The following PARP11 variants were observed in gnomAD, a reference collection of about 807,000 sequenced individuals.
The protein encoded by PARP11 is protein mono-ADP-ribosyltransferase PARP11.
A neutral mutation model predicts 42.9 loss-of-function variants in PARP11; 31 were observed. The ratio of observed to expected loss-of-function variants is 0.72; its 90% CI spans 0.54 to 0.98. PARP11 has a LOEUF of 0.98. Ranked by LOEUF, PARP11 falls within the 50% of genes least tolerant of loss-of-function variation. PARP11 has a pLI of 0.00. For synonymous variants in PARP11, 137 were observed against 127.3 expected (o/e 1.08, Z -0.51); for missense variants, 365 against 413.1 (o/e 0.88, Z 1.01).
At chr12:3,856,627 G>C (rs1040936699) in intron 1 of PARP11, among the ~76,000 whole-genome samples, 4 of 152,218 alleles carry the variant, frequency 2.6e-5, no homozygotes, top group African/African-American at 4.8e-5. Context: ...AACAACAGGT[G>C]CTGGAGAGGA....
intron 1 of PARP11, chr12:3,841,309 C>G (rs1231061291): frequency 2.4e-6 from 3 of 1,240,544 alleles, no homozygotes; most frequent in Non-Finnish European, 3.6e-6. Context: ...ATACAGTTGT[C>G]CTGTGTGGGC....
At position 3,841,060 on chromosome 12, in the gene PARP11, G is replaced by A. The variant is rs923152630; in HGVS notation, c.19-11042C>T. The A allele has an allele frequency of 2.5e-6, 4 of 1,598,448 alleles. No homozygotes were observed. The African/African-American group carries it at 4.0e-5, about 16-fold the overall frequency. On this transcript the variant is annotated intron_variant, in intron 1 of 7. Coordinates refer to ENST00000228820, the MANE Select transcript of PARP11 (RefSeq NM_020367.6). Reference sequence around the variant, plus strand: ...TTTGACCCCTGGACCTGATTCTGCTGTATCCCAAACTCATTTAACACCCTC... The same window carrying A: ...TTTGACCCCTGGACCTGATTCTGCTATATCCCAAACTCATTTAACACCCTC...
chr12:3,830,070 A>G, intron 1 of PARP11, 52 bp from the exon 2 acceptor site: 1 of 1,555,842 alleles, frequency 6.4e-7, no homozygotes, highest in Non-Finnish European at 8.8e-7. Flanking sequence ...AATAACAAGT[A>G]TACTTTTTAC....
At chr12:3,869,085 A>G (rs1427991889) in intron 1 of PARP11, among the ~76,000 whole-genome samples, 1 of 152,096 alleles carries the variant, frequency 6.6e-6, no homozygotes, top group Non-Finnish European at 1.5e-5. Context: ...CTCTTTGACC[A>G]TTCTTCCATA....
At chr12:3,869,090 T>G (rs11837745) in intron 1 of PARP11, among the ~76,000 whole-genome samples, 1,808 of 152,292 alleles carry the variant, frequency 0.012, 44 homozygotes, top group African/African-American at 0.042. Context: ...TGACCATTCT[T>G]CCATAGTCAC....
chr12:3,841,115 A>C, intron 1 of PARP11: 1 of 1,611,476 alleles, frequency 6.2e-7, no homozygotes, highest in Non-Finnish European at 8.5e-7. Context: ...CAGGCAGTTA[A>C]CCAGCCCTTG....
At position 3,840,242 on chromosome 12, in the gene PARP11, C is replaced by G. The variant is rs1947857568; in HGVS notation, c.19-10224G>C. The G allele has an allele frequency of 3.7e-6, 6 of 1,612,500 alleles. No individual in the cohort carries two copies. Among genetic ancestry groups the G allele is most frequent in the Non-Finnish European group, 4.2e-6 (5 of 1,178,624 alleles). On this transcript the variant is annotated intron_variant, in intron 1 of 7. Transcript: ENST00000228820. The surrounding 1 kb of genome is among the most constrained non-coding windows in gnomAD (Gnocchi z 4.4). ...CAAGGAGTTCATTCTGAGAATGGAC[C>G]AGTTTTGGTTGAAGAACTGGGAAAG...
intron 1 of PARP11, among the ~76,000 whole-genome samples, chr12:3,842,962 G>A (rs941930134): frequency 3.9e-5 from 6 of 152,150 alleles, no homozygotes; most frequent in African/African-American, 1.4e-4. Flanking sequence ...AAATAGAAAT[G>A]TCTATTTTAT....
At position 3,812,140 on chromosome 12, in the gene PARP11, A is replaced by G; in HGVS notation, c.1000T>C (p.Leu334=). The change falls in exon 8 of 8, where the codon TTG becomes CTG. Residue 334 remains leucine (L), a synonymous_variant. Coordinates refer to ENST00000228820, the MANE Select transcript of PARP11 (RefSeq NM_020367.6). Reference sequence around the variant, plus strand: ...AAGTGAAATCAATGAAAGTCTATCAAGTACTCAGGATAGATTTGGTTGGCA... The same window carrying G: ...AAGTGAAATCAATGAAAGTCTATCAGGTACTCAGGATAGATTTGGTTGGCA... ...FDANQIYPEY[L]IDFH 2 of 1,607,450 alleles carry G rather than the reference A, an allele frequency of 1.2e-6. No homozygotes were observed. The highest frequency in any genetic ancestry group is 1.7e-6 in the Non-Finnish European group (2 of 1,176,494).
intron 1 of PARP11, among the ~76,000 whole-genome samples, chr12:3,852,397 T>G (rs1402854462): frequency 1.3e-5 from 2 of 152,166 alleles, no homozygotes; most frequent in East Asian, 1.9e-4. Flanking sequence ...GAAAAAAGAT[T>G]AGACGAATGG....
At chr12:3,815,822 TAAAAAGTAAAA>T (rs1947275259) in intron 6 of PARP11, among the ~76,000 whole-genome samples, 1 of 152,232 alleles carries the variant, frequency 6.6e-6, no homozygotes, top group African/African-American at 2.4e-5. Context: ...TATAGTAATT[TAAAAAGTAAAA>T]ATTAAATAAC....
rs1420203837 is a variant in PARP11, at chr12:3,861,951, G to A, written c.18+11261C>T. On this transcript the variant is annotated intron_variant, in intron 1 of 7. Transcript: ENST00000228820. The surrounding 1 kb of genome is among the most constrained non-coding windows in gnomAD (Gnocchi z 4.6). ...GAGACAGGAGAATGGCGTGAACCCAGGAGGCAGAGCTTGCAGTAGGATGAG... is the reference window on the plus strand; with the variant it reads ...GAGACAGGAGAATGGCGTGAACCCAAGAGGCAGAGCTTGCAGTAGGATGAG... Among the ~76,000 whole-genome samples, 2 of 152,082 alleles carry A rather than the reference G, an allele frequency of 1.3e-5. No individual in the cohort carries two copies. The highest frequency in any genetic ancestry group is 2.9e-5 in the Non-Finnish European group (2 of 68,026).
chr12:3,826,870 A>G (rs1334917964), intron 3 of PARP11, among the ~76,000 whole-genome samples: 2 of 152,220 alleles, frequency 1.3e-5, no homozygotes, highest in African/African-American at 4.8e-5. Context: ...AATATTTACC[A>G]GGTCCATTTC....
At chr12:3,821,766 A>G in intron 6 of PARP11, 107 bp downstream of exon 6, 2 of 1,210,638 alleles carry the variant, frequency 1.7e-6, no homozygotes, top group South Asian at 1.4e-5. Flanking sequence ...ACGGCAAGAG[A>G]AAAACAGCAT....
intron 1 of PARP11, among the ~76,000 whole-genome samples, chr12:3,852,195 G>C (rs528976217): frequency 6.6e-6 from 1 of 152,230 alleles, no homozygotes; most frequent in Admixed American, 6.5e-5. Context: ...GAGCAGAAAA[G>C]CTGAAAATTC....
chr12:3,822,268 G>A, intron 4 of PARP11, 111 bp from the exon 5 acceptor site: 1 of 802,228 alleles, frequency 1.2e-6, no homozygotes, highest in South Asian at 1.7e-5. Context: ...TGTGACAAAT[G>A]CAATTAAATA....
At chr12:3,873,053 A>G (rs935390091) in intron 1 of PARP11, among the ~76,000 whole-genome samples, 159 bp downstream of exon 1, 1 of 152,238 alleles carries the variant, frequency 6.6e-6, no homozygotes, top group African/African-American at 2.4e-5. Flanking sequence ...CTGCTTAAAA[A>G]GGTACAGACT....
At chr12:3,858,142 T>G (rs1223701242) in intron 1 of PARP11, among the ~76,000 whole-genome samples, 1 of 152,170 alleles carries the variant, frequency 6.6e-6, no homozygotes, top group Non-Finnish European at 1.5e-5. Flanking sequence ...ACAAAAAAGA[T>G]ATATAACCTC....
At chr12:3,836,814 T>C (rs1245442381) in intron 1 of PARP11, among the ~76,000 whole-genome samples, 1 of 152,136 alleles carries the variant, frequency 6.6e-6, no homozygotes, top group Non-Finnish European at 1.5e-5. Flanking sequence ...AGTAACGGAA[T>C]TGGATTTCCT....
Sources: allele counts gnomAD v4.1 joint callset (sites outside exome capture counted in the v4.1 genomes callset), GRCh38; gene constraint gnomAD v4.1.1; non-coding constraint Gnocchi (gnomAD v3.1); transcripts MANE v1.5; gene names NCBI Gene and HGNC (gene_info 2026-07-23, HGNC 2026-07-21).